Variants in ZNF385D observed in about 807,000 individuals in gnomAD.
The protein encoded by ZNF385D is zinc finger protein 385D.
ZNF385D carries 15 observed loss-of-function variants against 35.8 expected under a neutral mutation model. The observed-to-expected ratio is 0.42, with a 90% CI of 0.28 to 0.64. The LOEUF (loss-of-function observed/expected upper bound fraction) is 0.64, where lower values mean the gene tolerates loss of function less well. Among genes scored for constraint, ZNF385D ranks in the 30% least tolerant of loss-of-function variants. The pLI, the probability that ZNF385D is intolerant of heterozygous loss-of-function variation, is 0.23. For missense variants in ZNF385D, 474 were observed against 494.6 expected (o/e 0.96, Z 0.39); for synonymous variants, 212 against 186.8 (o/e 1.13, Z -1.10).
chr3:22,134,925 A>G (rs1704016912), intron 3 of ZNF385D, among the ~76,000 whole-genome samples: 1 of 152,186 alleles, frequency 6.6e-6, no homozygotes, highest in Non-Finnish European at 1.5e-5. Context: ...ACCTTCCAAC[A>G]CTAGTACGTA....
intron 1 of ZNF385D, among the ~76,000 whole-genome samples, chr3:21,744,171 C>T (rs762170501): frequency 1.3e-5 from 2 of 152,112 alleles, no homozygotes; most frequent in Non-Finnish European, 2.9e-5. Context: ...AATTCCTCAT[C>T]TAAAAATAGG....
At chr3:22,069,168 T>C (rs1700112260) in intron 3 of ZNF385D, among the ~76,000 whole-genome samples, 1 of 152,240 alleles carries the variant, frequency 6.6e-6, no homozygotes, top group African/African-American at 2.4e-5. Context: ...CTTCTCCTTA[T>C]ATCTCATTGG....
intron 3 of ZNF385D, among the ~76,000 whole-genome samples, chr3:22,073,130 T>G (rs908786804): frequency 1.3e-5 from 2 of 151,974 alleles, no homozygotes; most frequent in African/African-American, 4.8e-5. Context: ...AGGCTGAAGG[T>G]GCCCTCAGAA....
chr3:22,321,527 G>A (rs919569708), intron 2 of ZNF385D, among the ~76,000 whole-genome samples: 7 of 151,624 alleles, frequency 4.6e-5, no homozygotes, highest in Non-Finnish European at 7.4e-5. Context: ...CACCACGCCC[G>A]GCTAATTTTT....
At chr3:22,198,565 T>C (rs1696575350) in intron 2 of ZNF385D, among the ~76,000 whole-genome samples, 1 of 152,138 alleles carries the variant, frequency 6.6e-6, no homozygotes, top group African/African-American at 2.4e-5. Context: ...AAGAACATTT[T>C]GAAAAATTTA....
chr3:22,083,960 T>G lies in ZNF385D; in HGVS notation c.325+84857A>C, dbSNP rs373769265. On this transcript the variant is annotated intron_variant, in intron 3 of 5. Transcript: ENST00000494108. The stretch of plus-strand genomic sequence containing the variant: ...CTTAAAGAAAAGAATTTTCAACCCA[T>G]AATTTCATATCCAGCCAAACTAAGC... Among the ~76,000 whole-genome samples the G allele has an allele frequency of 6.2e-4, 94 of 152,288 alleles. 2 individuals carry two copies. The highest frequency in any genetic ancestry group is 1.4e-3 in the Admixed American group (22 of 15,290).
chr3:21,922,064 T>C (rs1276038185), intron 3 of ZNF385D, among the ~76,000 whole-genome samples: 2 of 151,968 alleles, frequency 1.3e-5, no homozygotes, highest in South Asian at 2.1e-4. Context: ...GACAGGTCAA[T>C]ATTCCTGATG....
intron 2 of ZNF385D, among the ~76,000 whole-genome samples, chr3:22,361,665 C>G (rs181973144): frequency 4.2e-4 from 64 of 152,138 alleles, no homozygotes; most frequent in Admixed American, 2.4e-3. Flanking sequence ...ATAGACTTAG[C>G]AGAAACTATT....
intron 3 of ZNF385D, among the ~76,000 whole-genome samples, chr3:22,116,620 G>A (rs962921607): frequency 6.6e-6 from 1 of 152,186 alleles, no homozygotes; most frequent in Non-Finnish European, 1.5e-5. Context: ...ACATTTGAAT[G>A]TAAGCTTTCT....
intron 2 of ZNF385D, among the ~76,000 whole-genome samples, chr3:21,570,012 C>G (rs1476108532): frequency 1.3e-5 from 2 of 151,404 alleles, no homozygotes; most frequent in South Asian, 2.1e-4. Flanking sequence ...ACATACGTAA[C>G]TAACCTGCAC....
intron 3 of ZNF385D, among the ~76,000 whole-genome samples, chr3:21,995,278 T>C (rs1028000582): frequency 6.6e-6 from 1 of 152,154 alleles, no homozygotes; most frequent in Non-Finnish European, 1.5e-5. Context: ...TAGGTGCCAG[T>C]GGCAAAAGGC....
intron 2 of ZNF385D, among the ~76,000 whole-genome samples, chr3:21,658,892 G>A (rs2066153426): frequency 6.6e-6 from 1 of 151,908 alleles, no homozygotes; most frequent in African/African-American, 2.4e-5. Flanking sequence ...AACTCTAGAG[G>A]TACCTGCCAG....
chr3:22,177,871 A>G (rs1412914098), intron 2 of ZNF385D, among the ~76,000 whole-genome samples: 4 of 152,112 alleles, frequency 2.6e-5, no homozygotes, highest in African/African-American at 9.7e-5. Context: ...GCTGAGAATG[A>G]TGGTTTCCAG....
intron 3 of ZNF385D, chr3:22,168,744 C>G: frequency 1.2e-6 from 1 of 869,116 alleles, no homozygotes; most frequent in Non-Finnish European, 1.4e-6. Context: ...TTCTTTTATC[C>G]TCACATCTGC....
intron 2 of ZNF385D, among the ~76,000 whole-genome samples, chr3:21,596,585 A>G (rs1054460938): frequency 4.0e-5 from 6 of 150,978 alleles, no homozygotes; most frequent in Admixed American, 6.6e-5. Context: ...GACTCAAGCA[A>G]TCCTCCTGCC....
intron 2 of ZNF385D, among the ~76,000 whole-genome samples, chr3:21,644,540 A>G (rs549927588): frequency 9.1e-4 from 138 of 152,310 alleles, no homozygotes; most frequent in African/African-American, 3.2e-3. Flanking sequence ...GGAGAAATGC[A>G]AACTCCACAC....
intron 1 of ZNF385D, among the ~76,000 whole-genome samples, chr3:21,687,299 T>G (rs994588455): frequency 1.3e-5 from 2 of 152,178 alleles, no homozygotes; most frequent in African/African-American, 4.8e-5. Flanking sequence ...CCAAAATATA[T>G]TATGAAAAAT....
chr3:21,942,321 T>C (rs1037519587), intron 3 of ZNF385D, among the ~76,000 whole-genome samples: 24 of 152,218 alleles, frequency 1.6e-4, no homozygotes, highest in Admixed American at 1.2e-3. Flanking sequence ...CCTAAACCTG[T>C]TCATAAATGA....
chr3:21,436,694 C>T, intron 5 of ZNF385D: 1 of 357,716 alleles, frequency 2.8e-6, no homozygotes, highest in Non-Finnish European at 5.1e-6. Context: ...CATATAAATG[C>T]AAAACACATT....
Sources: gnomAD v4.1 joint callset for allele counts (sites outside exome capture counted in the v4.1 genomes callset) on GRCh38, gnomAD v4.1.1 for gene constraint, MANE v1.5 for transcripts, NCBI Gene and HGNC (gene_info 2026-07-23, HGNC 2026-07-21) for gene names.